The following FHIT variants were observed in gnomAD, a reference collection of about 807,000 sequenced individuals.
FHIT encodes the protein fragile histidine triad diadenosine triphosphatase, also known as bis(5'-adenosyl)-triphosphatase.
Under a neutral mutation model 17.9 loss-of-function variants are expected in FHIT, and 19 were observed. The observed-to-expected ratio is 1.06, with a 90% CI of 0.74 to 1.56. The LOEUF (loss-of-function observed/expected upper bound fraction) is 1.56, where lower values mean the gene tolerates loss of function less well. Ranked by LOEUF, FHIT falls within the 40% of genes most tolerant of loss-of-function variation. FHIT has a pLI of 0.00. For synonymous variants in FHIT, 81 were observed against 69.7 expected, an observed-to-expected ratio of 1.16 and a Z score of -0.81; for missense variants, 248 against 189.2, an observed-to-expected ratio of 1.31 and a Z score of -1.82.
At chr3:61,118,347 G>C (rs748377066) in intron 2 of FHIT, among the ~76,000 whole-genome samples, 1 of 152,068 alleles carries the variant, frequency 6.6e-6, no homozygotes, top group Non-Finnish European at 1.5e-5. Flanking sequence ...GACACTACCC[G>C]CAGTCTGAGA....
At chr3:60,546,274 C>G (rs2036360442) in intron 4 of FHIT, among the ~76,000 whole-genome samples, 1 of 152,092 alleles carries the variant, frequency 6.6e-6, no homozygotes, top group South Asian at 2.1e-4. Flanking sequence ...CGGGTTAAGT[C>G]TGGTTTTTCT....
intron 5 of FHIT, among the ~76,000 whole-genome samples, chr3:60,263,915 GTGTT>G (rs953771969): frequency 6.6e-6 from 1 of 151,552 alleles, no homozygotes; most frequent in African/African-American, 2.4e-5. Context: ...GAGAAAGTGA[GTGTT>G]TTTTTTTTTA....
chr3:60,840,648 C>G (rs988908172), intron 3 of FHIT, among the ~76,000 whole-genome samples: 14 of 152,184 alleles, frequency 9.2e-5, no homozygotes, highest in African/African-American at 3.4e-4. Context: ...TTCCTTCATT[C>G]TCTACATAGA....
chr3:60,681,940 A>G (rs571352617), intron 4 of FHIT, among the ~76,000 whole-genome samples: 1 of 151,970 alleles, frequency 6.6e-6, no homozygotes, highest in Non-Finnish European at 1.5e-5. Context: ...TCTAGCTAAG[A>G]TAACTAATGA....
intron 5 of FHIT, among the ~76,000 whole-genome samples, chr3:60,478,187 T>C (rs561441843): frequency 1.3e-5 from 2 of 152,162 alleles, no homozygotes; most frequent in East Asian, 1.9e-4. Flanking sequence ...AGTAACCTTA[T>C]GCATCCCACT....
At chr3:59,945,329 G>C (rs1036533505) in intron 7 of FHIT, among the ~76,000 whole-genome samples, 20 of 152,098 alleles carry the variant, frequency 1.3e-4, no homozygotes, top group African/African-American at 4.8e-4. Flanking sequence ...CTTCTTTTGA[G>C]AAGTATCTGT....
At chr3:59,789,162 G>A (rs1327307413) in intron 8 of FHIT, among the ~76,000 whole-genome samples, 1 of 152,146 alleles carries the variant, frequency 6.6e-6, no homozygotes, top group Admixed American at 6.5e-5. Context: ...ATCCATTAGG[G>A]ACTTTGCACT....
At chr3:60,437,802 A>G (rs896552697) in intron 5 of FHIT, among the ~76,000 whole-genome samples, 1 of 152,102 alleles carries the variant, frequency 6.6e-6, no homozygotes, top group Admixed American at 6.6e-5. Context: ...CCAGACCTAT[A>G]TTCTAAAAAT....
At chr3:59,772,415 A>G (rs1702113227) in intron 8 of FHIT, among the ~76,000 whole-genome samples, 1 of 145,790 alleles carries the variant, frequency 6.9e-6, no homozygotes. Context: ...AACAGTGAAC[A>G]CTGACTGTGT....
chr3:60,637,411 G>A (rs782723153), intron 4 of FHIT, among the ~76,000 whole-genome samples: 16 of 152,012 alleles, frequency 1.1e-4, no homozygotes, highest in African/African-American at 2.4e-4. Flanking sequence ...ACTCAATATG[G>A]TACCTCACAT....
intron 5 of FHIT, among the ~76,000 whole-genome samples, chr3:60,206,302 T>A (rs1703186432): frequency 6.6e-6 from 1 of 152,060 alleles, no homozygotes; most frequent in African/African-American, 2.4e-5. Flanking sequence ...GATCCAGTAC[T>A]TATGATAAGA....
intron 8 of FHIT, among the ~76,000 whole-genome samples, chr3:59,842,296 T>C (rs1701563076): frequency 6.6e-6 from 1 of 152,224 alleles, no homozygotes; most frequent in Non-Finnish European, 1.5e-5. Flanking sequence ...ATTTGATTTA[T>C]TCAATCATGT....
chr3:60,923,513 T>C (rs1707400310), intron 3 of FHIT, among the ~76,000 whole-genome samples: 1 of 152,230 alleles, frequency 6.6e-6, no homozygotes, highest in South Asian at 2.1e-4. Flanking sequence ...TGATACCTTA[T>C]TCATTCAATA....
At chr3:60,133,954 G>A (rs1338437359) in intron 5 of FHIT, among the ~76,000 whole-genome samples, 1 of 151,636 alleles carries the variant, frequency 6.6e-6, no homozygotes, top group South Asian at 2.1e-4. Flanking sequence ...GTGCCAGCTG[G>A]AATCCTAGGT....
chr3:61,056,344 G>A (rs2034220998), intron 2 of FHIT, among the ~76,000 whole-genome samples: 1 of 152,212 alleles, frequency 6.6e-6, no homozygotes, highest in South Asian at 2.1e-4. Flanking sequence ...AAGAGCAAGA[G>A]TGTTTATTCC....
chr3:61,087,331 A>G (rs2035337086), intron 2 of FHIT, among the ~76,000 whole-genome samples: 2 of 152,136 alleles, frequency 1.3e-5, no homozygotes, highest in South Asian at 4.2e-4. Context: ...TTTGGGGACC[A>G]CTTTTGTATA....
intron 4 of FHIT, among the ~76,000 whole-genome samples, chr3:60,683,817 A>C (rs1194534233): frequency 6.6e-6 from 1 of 152,296 alleles, no homozygotes; most frequent in South Asian, 2.1e-4. Flanking sequence ...TTCCCATTTA[A>C]GTAATGGCAA....
At chr3:60,299,496 T>C (rs906544142) in intron 5 of FHIT, among the ~76,000 whole-genome samples, 2 of 152,164 alleles carry the variant, frequency 1.3e-5, no homozygotes, top group Non-Finnish European at 2.9e-5. Context: ...AATTCTAAGT[T>C]GACAGTTATT....
At chr3:60,922,039 C>T (rs782555457) in intron 3 of FHIT, among the ~76,000 whole-genome samples, 11 of 152,132 alleles carry the variant, frequency 7.2e-5, no homozygotes, top group Non-Finnish European at 1.5e-4. Context: ...AATGAAATAC[C>T]CACTGATCTC....
Sources: gnomAD v4.1 joint callset for allele counts (sites outside exome capture counted in the v4.1 genomes callset) on GRCh38, gnomAD v4.1.1 for gene constraint, MANE v1.5 for transcripts, NCBI Gene and HGNC (gene_info 2026-07-23, HGNC 2026-07-21) for gene names.